ABHD16A: variants seen among roughly 807,000 people sequenced by gnomAD.
ABHD16A encodes abhydrolase domain containing 16A, phospholipase.
A neutral mutation model predicts 89.8 loss-of-function variants in ABHD16A; 47 were observed. That is an observed-to-expected ratio of 0.52 (90% confidence interval 0.41 to 0.67). ABHD16A has a LOEUF of 0.67. Among genes scored for constraint, ABHD16A ranks in the 30% least tolerant of loss-of-function variants. ABHD16A has a pLI of 0.00. For missense variants in ABHD16A, 580 were observed against 734.6 expected (o/e 0.79, Z 2.43); for synonymous variants, 251 against 280.4 (o/e 0.90, Z 1.05).
At chr6:31,691,748 G>A in intron 8 of ABHD16A, 56 bp downstream of exon 8, 2 of 1,535,762 alleles carry the variant, frequency 1.3e-6, no homozygotes, top group Non-Finnish European at 1.8e-6. Flanking sequence ...GTGGGGCGGG[G>A]TGGGTGGGGG....
rs763740687 is a variant in ABHD16A, at chr6:31,690,146, A to G, written c.908-19T>C. The G allele has an allele frequency of 1.3e-6, 2 of 1,581,084 alleles. No homozygotes were observed. The highest frequency in any genetic ancestry group is 1.8e-5 in the Admixed American group (1 of 54,760). ...TATCCAGCTGTAACACAGGGGGAGGAGGGACTGAGACCTTGTGGCCCACAG... is the reference window on the plus strand; with the variant it reads ...TATCCAGCTGTAACACAGGGGGAGGGGGGACTGAGACCTTGTGGCCCACAG... On this transcript the variant is annotated intron_variant, in intron 10 of 19. Transcript: ENST00000395952. This position sits in a 1 kb window ranked among gnomAD's most constrained non-coding sequence, Gnocchi z 4.1.
intron 9 of ABHD16A, 54 bp downstream of exon 9, chr6:31,691,525 C>T: frequency 1.3e-6 from 2 of 1,566,268 alleles, no homozygotes; most frequent in Non-Finnish European, 1.8e-6. Flanking sequence ...GTCCCCAGAC[C>T]TCTACTGCCT....
rs1803663111 is a variant in ABHD16A at position 31,689,635 on chromosome 6, C to T, written c.1027G>A (p.Gly343Ser). Residue 343 changes from glycine (G) to serine (S), a missense_variant, in exon 12 of 20, where the codon GGC becomes AGC. Transcript: ENST00000395952. Reference protein sequence around the residue: ...VVVQFAIHRLGFQPQDIIIYA... With the variant: ...VVVQFAIHRLSFQPQDIIIYA... ...ATGATGATGTCCTGGGGCTGGAAGC[C>T]TAGGCGGTGGATGGCAAACTGGACC... 6.2e-7 allele frequency: 1 copy of T among 1,611,916 alleles called. No individual in the cohort carries two copies. The highest frequency in any genetic ancestry group is 8.5e-7 in the Non-Finnish European group (1 of 1,179,574).
In ABHD16A at chr6:31,693,872, T is replaced by G. The variant is rs2151237622; in HGVS notation, c.430-440A>C. Among the ~76,000 whole-genome samples, 1 of 152,198 alleles carries G rather than the reference T, an allele frequency of 6.6e-6. No homozygotes were observed. Among genetic ancestry groups the G allele is most frequent in the South Asian group, 2.1e-4 (1 of 4,830 alleles). On this transcript the variant is annotated intron_variant, in intron 5 of 19. Transcript: ENST00000395952. The surrounding 1 kb of genome is among the most constrained non-coding windows in gnomAD (Gnocchi z 5.0). Reference sequence around the variant, plus strand: ...TCACACTGACAGACCCAAGGTTGAGTGAGACAGAGAGGAGGGAAGTCACGC... The same window carrying G: ...TCACACTGACAGACCCAAGGTTGAGGGAGACAGAGAGGAGGGAAGTCACGC...
chr6:31,701,390 C>CA, intron 2 of ABHD16A, 50 bp from the exon 3 acceptor site: 1 of 1,231,838 alleles, frequency 8.1e-7, no homozygotes, highest in Non-Finnish European at 1.2e-6. Flanking sequence ...CACACACACA[C>CA]CTGCCATTCC....
At chr6:31,689,173 C>T in intron 12 of ABHD16A, 54 bp from the exon 13 acceptor site, 10 of 1,494,342 alleles carry the variant, frequency 6.7e-6, no homozygotes, top group Non-Finnish European at 9.2e-6. Context: ...CCTTTCTCCC[C>T]ACCACCCATG....
In ABHD16A at chr6:31,690,348, T is replaced by C; in HGVS notation, c.907+191A>G. 1.4e-6 allele frequency: 1 copy of C among 693,030 alleles called. No individual in the cohort carries two copies. Among genetic ancestry groups the C allele is most frequent in the Non-Finnish European group, 2.5e-6 (1 of 403,786 alleles). The allele number at this position is 693,030 out of a possible 1,614,324, so 42.9% of individuals were successfully genotyped here. A position where few individuals can be genotyped will look rare whatever the true frequency, so the allele number is the denominator to read the frequency against. On this transcript the variant is annotated intron_variant, in intron 10 of 19. Coordinates refer to ENST00000395952, the MANE Select transcript of ABHD16A (RefSeq NM_021160.3). The surrounding 1 kb of genome is among the most constrained non-coding windows in gnomAD (Gnocchi z 4.1). ...GAATGGAACAGAATGAAAAGCATAATAGCTAGGGACACAGGCCAGGGGAGG... is the reference window on the plus strand; with the variant it reads ...GAATGGAACAGAATGAAAAGCATAACAGCTAGGGACACAGGCCAGGGGAGG...
In ABHD16A at chr6:31,690,149, G is replaced by T; in HGVS notation, c.908-22C>A. ...CCAGCTGTAACACAGGGGGAGGAGGGACTGAGACCTTGTGGCCCACAGCCC... is the reference window on the plus strand; with the variant it reads ...CCAGCTGTAACACAGGGGGAGGAGGTACTGAGACCTTGTGGCCCACAGCCC... On this transcript the variant is annotated intron_variant, in intron 10 of 19. Transcript: ENST00000395952. This position sits in a 1 kb window ranked among gnomAD's most constrained non-coding sequence, Gnocchi z 4.1. 6.4e-7 allele frequency: 1 copy of T among 1,571,262 alleles called. No individual in the cohort carries two copies. The highest frequency in any genetic ancestry group is 8.6e-7 in the Non-Finnish European group (1 of 1,159,364).
At position 31,693,565 on chromosome 6, in the gene ABHD16A, C is replaced by T; in HGVS notation, c.430-133G>A. ...GGGGAAACCAAGCGGAGGTCAATAC[C>T]CTCCCAATTCTCAGATGGAAAATTC... On this transcript the variant is annotated intron_variant, in intron 5 of 19. Transcript: ENST00000395952. The surrounding 1 kb of genome is among the most constrained non-coding windows in gnomAD (Gnocchi z 5.0). 1 of 770,278 alleles carries T rather than the reference C, an allele frequency of 1.3e-6. No individual in the cohort carries two copies. The highest frequency in any genetic ancestry group is 2.1e-6 in the Non-Finnish European group (1 of 466,730). The allele number at this position is 770,278 out of a possible 1,614,324, so 47.7% of individuals were successfully genotyped here.
chr6:31,695,881 A>G (rs1804339328), intron 5 of ABHD16A, among the ~76,000 whole-genome samples: 1 of 149,322 alleles, frequency 6.7e-6, no homozygotes, highest in Non-Finnish European at 1.5e-5. Context: ...AAATACAAAA[A>G]TTGGCCAGGC....
At chr6:31,694,360 G>C (rs373725660) in intron 5 of ABHD16A, among the ~76,000 whole-genome samples, 1 of 143,982 alleles carries the variant, frequency 6.9e-6, no homozygotes, top group Non-Finnish European at 1.5e-5. Flanking sequence ...CCAGCTCCAC[G>C]TTTTTTGACG....
chr6:31,702,814 T>C, intron 1 of ABHD16A: 3 of 1,417,116 alleles, frequency 2.1e-6, no homozygotes, highest in Non-Finnish European at 2.8e-6. Flanking sequence ...ACAGCAAAAT[T>C]CAACGGCTCC....
intron 4 of ABHD16A, among the ~76,000 whole-genome samples, chr6:31,700,422 C>A (rs1234689709): frequency 6.6e-6 from 1 of 152,180 alleles, no homozygotes; most frequent in Non-Finnish European, 1.5e-5. Context: ...CCACACCCGG[C>A]CACACAGAAC....
chr6:31,702,098 T>C lies in ABHD16A; in HGVS notation c.165A>G (p.Lys55=), dbSNP rs1392939234. ...DTYYQPRALE[K]HADSILALAS... Reference sequence around the variant, plus strand: ...CCAGTGCCAGGATGCTGTCAGCATGTTTCTCCAGGGCACGGGGCTGATAGT... The same window carrying C: ...CCAGTGCCAGGATGCTGTCAGCATGCTTCTCCAGGGCACGGGGCTGATAGT... Residue 55 remains lysine (K), a synonymous_variant, in exon 2 of 20, where the codon AAA becomes AAG. Transcript: ENST00000395952. 6 of 1,612,962 alleles carry C rather than the reference T, an allele frequency of 3.7e-6. No individual in the cohort carries two copies. The highest frequency in any genetic ancestry group is 1.3e-5 in the African/African-American group (1 of 74,928).
In ABHD16A at chr6:31,689,004, G is replaced by T; in HGVS notation, c.1186+11C>A. Reference sequence around the variant, plus strand: ...CTTCCCAGGAAGGGCAGGCCTGGGAGCTGCACTCACTCCAGCTGTCTGGCA... The same window carrying T: ...CTTCCCAGGAAGGGCAGGCCTGGGATCTGCACTCACTCCAGCTGTCTGGCA... On this transcript the variant is annotated intron_variant, in intron 13 of 19. Coordinates refer to ENST00000395952, the MANE Select transcript of ABHD16A (RefSeq NM_021160.3). The T allele has an allele frequency of 6.2e-7, 1 of 1,610,120 alleles. No homozygotes were observed. The highest frequency in any genetic ancestry group is 8.5e-7 in the Non-Finnish European group (1 of 1,177,240).
rs777292055 is a variant in ABHD16A at position 31,687,536 on chromosome 6, T to C, written c.1555A>G (p.Met519Val). The C allele has an allele frequency of 8.7e-6, 14 of 1,613,054 alleles. No homozygotes were observed. The East Asian group carries it at 2.5e-4, about 28-fold the overall frequency. ...AGCTGCCGCCGTCCATCTGCACTCA[T>C]GTCCTCCCCTGCAGAGAGGAGGCGC... Reference protein sequence around the residue: ...PDFPWSVGEDMSADGRRQLAL... With the variant: ...PDFPWSVGEDVSADGRRQLAL... Residue 519 changes from methionine (M) to valine (V), a missense_variant, in exon 19 of 20, where the codon ATG (methionine) becomes GTG (valine). Transcript: ENST00000395952. This position sits in a 1 kb window ranked among gnomAD's most constrained non-coding sequence, Gnocchi z 6.3.
intron 5 of ABHD16A, among the ~76,000 whole-genome samples, chr6:31,696,729 G>C (rs1171578092): frequency 6.6e-6 from 1 of 152,204 alleles, no homozygotes; most frequent in Non-Finnish European, 1.5e-5. Context: ...TGTTCTAGCA[G>C]AATATTCCAT....
intron 1 of ABHD16A, 85 bp from the exon 2 acceptor site, chr6:31,702,215 C>A: frequency 5.3e-6 from 7 of 1,332,698 alleles, no homozygotes; most frequent in Non-Finnish European, 7.5e-6. Flanking sequence ...TGTGTGTCCT[C>A]TGGTTCTAGT....
chr6:31,698,161 T>C lies in ABHD16A; in HGVS notation c.344-1128A>G, dbSNP rs563346152. Among the ~76,000 whole-genome samples, 9 of 152,232 alleles carry C rather than the reference T, an allele frequency of 5.9e-5. No homozygotes were observed. Among genetic ancestry groups the C allele is most frequent in the African/African-American group, 2.2e-4 (9 of 41,546 alleles). On this transcript the variant is annotated intron_variant, in intron 4 of 19. Transcript: ENST00000395952. The surrounding 1 kb of genome is among the most constrained non-coding windows in gnomAD (Gnocchi z 4.1). ...TTCTAAAATGTATATTTTTTAACCC[T>C]TGAAAACTCTGAAATTAGAATTCAT...
Sources: gnomAD v4.1 joint callset for allele counts (sites outside exome capture counted in the v4.1 genomes callset) on GRCh38, gnomAD v4.1.1 for gene constraint, Gnocchi (gnomAD v3.1) non-coding constraint, MANE v1.5 for transcripts, NCBI Gene and HGNC (gene_info 2026-07-23, HGNC 2026-07-21) for gene names.